The following KMT2C variants were observed in gnomAD, a reference collection of about 807,000 sequenced individuals.
KMT2C encodes the protein histone-lysine N-methyltransferase 2C.
A neutral mutation model predicts 507.9 loss-of-function variants in KMT2C; 88 were observed. The ratio of observed to expected loss-of-function variants is 0.17; its 90% CI spans 0.15 to 0.21. The LOEUF (loss-of-function observed/expected upper bound fraction) is 0.21. Ranked by LOEUF, KMT2C falls within the 10% of genes least tolerant of loss-of-function variation. The probability of loss-of-function intolerance (pLI) is 1.00; values close to 1 mark genes in which losing one functional copy is unlikely to be tolerated. For synonymous variants in KMT2C, 2,049 were observed against 2,080.8 expected (o/e 0.98, Z 0.42); for missense variants, 4,954 against 5,957.8 (o/e 0.83, Z 5.55).
chr7:152,184,708 C>T lies in KMT2C; in HGVS notation c.5082+850G>A, dbSNP rs144442543. On this transcript the variant is annotated intron_variant, in intron 34 of 58. Transcript: ENST00000262189. ...GCAGATACCAAAATCCACAGATGCT[C>T]AAGTCCCTTATAGAAAATGTCACAG... Among the ~76,000 whole-genome samples the T allele has an allele frequency of 2.7e-3, 410 of 152,324 alleles. 6 individuals carry two copies. Among genetic ancestry groups the T allele is most frequent in the South Asian group, 1.7e-3 (8 of 4,824 alleles).
chr7:152,136,885 G>A lies in KMT2C; in HGVS notation c.14683C>T (p.His4895Tyr), dbSNP rs2089917798. 6.2e-7 allele frequency: 1 copy of A among 1,613,370 alleles called. No individual in the cohort carries two copies. Among genetic ancestry groups the A allele is most frequent in the Admixed American group, 1.7e-5 (1 of 60,004 alleles). ...DYKFDFEDDQHKIPCHCGAVN... is the reference protein window; with the variant it reads ...DYKFDFEDDQYKIPCHCGAVN... ...GCTCCACAGTGACACGGAATCTTGT[G>A]CTGGTCATCTTCAAAGTCAAACTTA... Residue 4895 changes from histidine to tyrosine, a missense_variant, in exon 59 of 59, where the codon CAC (histidine) becomes TAC (tyrosine). By Grantham distance (83) the His-to-Tyr change is moderately conservative (BLOSUM62 2). This residue lies in a region of KMT2C where 133 missense variants were observed against 258.9 expected (regional missense o/e 0.51). Transcript: ENST00000262189.
At chr7:152,435,230 G>A (rs1038326949) in intron 1 of KMT2C, among the ~76,000 whole-genome samples, 2 of 151,968 alleles carry the variant, frequency 1.3e-5, no homozygotes, top group Admixed American at 6.6e-5. Context: ...CCGACGGCTC[G>A]GCGGTTCGCC....
At chr7:152,426,345 C>T (rs1231411360) in intron 1 of KMT2C, among the ~76,000 whole-genome samples, 2 of 151,146 alleles carry the variant, frequency 1.3e-5, no homozygotes, top group Admixed American at 1.3e-4. Context: ...TCAAGCAATC[C>T]TCCCATCTCA....
At chr7:152,160,518 CG>C (rs1426456754) in intron 43 of KMT2C, among the ~76,000 whole-genome samples, 1 of 151,834 alleles carries the variant, frequency 6.6e-6, no homozygotes, top group Non-Finnish European at 1.5e-5. Context: ...AGGTGTGTGG[CG>C]GGAGATTCTG....
intron 3 of KMT2C, among the ~76,000 whole-genome samples, chr7:152,320,154 A>G (rs2096759718): frequency 6.6e-6 from 1 of 152,154 alleles, no homozygotes; most frequent in Non-Finnish European, 1.5e-5. Flanking sequence ...ATGTTTATAC[A>G]TGTCTCCCAT....
In KMT2C at chr7:152,330,670, G is replaced by T; in HGVS notation, c.320C>A (p.Thr107Asn). ...EVDNSKQLIPTLQRSVSEESA... is the reference protein window; with the variant it reads ...EVDNSKQLIPNLQRSVSEESA... ...TTCCTCAGACACAGATCGCTGAAGA[G>T]TTGGAATTAGCTGTTTGCTGTTATC... Residue 107 changes from threonine to asparagine, a missense_variant, in exon 3 of 59, where the codon ACT (threonine) becomes AAT (asparagine). Thr to Asn is a moderately conservative substitution (Grantham distance 65). Coordinates refer to ENST00000262189, the MANE Select transcript of KMT2C (RefSeq NM_170606.3). 1 of 1,614,042 alleles carries T rather than the reference G, an allele frequency of 6.2e-7. No homozygotes were observed. The highest frequency in any genetic ancestry group is 1.6e-4 in the Middle Eastern group (1 of 6,062).
chr7:152,286,241 AAAAG>A, intron 6 of KMT2C, among the ~76,000 whole-genome samples: 1 of 152,286 alleles, frequency 6.6e-6, no homozygotes, highest in Non-Finnish European at 1.5e-5. Flanking sequence ...ATGAGACAGA[AAAAG>A]AATAAGAAAT....
rs34778581 is a variant in KMT2C, at chr7:152,331,642, ATTTTTTTTTTTT to A, written c.251-915_251-904del. Among the ~76,000 whole-genome samples, 6 of 99,324 alleles carry A rather than the reference ATTTTTTTTTTTT, an allele frequency of 6.0e-5. No individual in the cohort carries two copies. In the South Asian group the frequency reaches 1.6e-3, roughly 27 times the overall value. 65.2% of individuals were successfully genotyped at this position (99,324 alleles called of 152,430 possible). On this transcript the variant is annotated intron_variant, in intron 2 of 58. Coordinates refer to ENST00000262189, the MANE Select transcript of KMT2C (RefSeq NM_170606.3). ...CAACAACAACAACAACAACAAAAAG[ATTTTTTTTTTTT>A]TTTTTTTTTTTTTGATGGAGTCTCG...
chr7:152,382,396 A>G (rs1184941722), intron 1 of KMT2C, among the ~76,000 whole-genome samples: 1 of 152,062 alleles, frequency 6.6e-6, no homozygotes, highest in Non-Finnish European at 1.5e-5. Context: ...CTTATCCTTC[A>G]AATCTACCAT....
Position 152,181,106 on chromosome 7 carries a change from G to A in KMT2C, c.6754C>T (p.Gln2252Ter), listed in dbSNP as rs2129119665. The A allele has an allele frequency of 6.2e-7, 1 of 1,614,158 alleles. No homozygotes were observed. Among genetic ancestry groups the A allele is most frequent in the Non-Finnish European group, 8.5e-7 (1 of 1,180,026 alleles). ...GCTGGTCCTCGGTTTTGTGCTGCTT[G>A]CAGGAAAGGATCCTGATTTGGCATG... ...VLMPNQDPFL[Q>*]AAQNRGPALP... The change falls in exon 36 of 59, where the codon CAA (glutamine) becomes TAA (stop). Residue 2252 changes from glutamine (Q) to a stop codon, truncating the protein, a stop_gained. Transcript: ENST00000262189. LOFTEE classifies it high-confidence loss of function.
chr7:152,323,846 G>A (rs2096797469), intron 3 of KMT2C, among the ~76,000 whole-genome samples: 1 of 150,724 alleles, frequency 6.6e-6, no homozygotes, highest in African/African-American at 2.4e-5. Context: ...GGGAGAGAGA[G>A]AGAGAGAGAA....
intron 7 of KMT2C, among the ~76,000 whole-genome samples, chr7:152,266,241 C>CTT (rs56898970): frequency 6.8e-6 from 1 of 147,290 alleles, no homozygotes; most frequent in African/African-American, 2.5e-5. Context: ...GTATATGAAC[C>CTT]TTTTTTTTTT....
chr7:152,195,871 G>C (rs2129130756), intron 28 of KMT2C, 36 bp downstream of exon 28: 2 of 1,238,918 alleles, frequency 1.6e-6, no homozygotes, highest in Non-Finnish European at 2.3e-6. Context: ...GCTCACATCA[G>C]AAACCAGAAA....
At chr7:152,147,403 G>A (rs1002482329) in intron 52 of KMT2C, among the ~76,000 whole-genome samples, 16 of 152,008 alleles carry the variant, frequency 1.1e-4, no homozygotes, top group African/African-American at 3.9e-4. Context: ...GGGGGTCCCT[G>A]CCAGGTACGG....
At chr7:152,275,917 T>C (rs1293410032) in intron 6 of KMT2C, among the ~76,000 whole-genome samples, 1 of 152,212 alleles carries the variant, frequency 6.6e-6, no homozygotes, top group Non-Finnish European at 1.5e-5. Context: ...TCTTGGCAGA[T>C]AAAATATAAT....
intron 38 of KMT2C, among the ~76,000 whole-genome samples, chr7:152,175,466 C>CT (rs1334582580): frequency 1.4e-5 from 2 of 145,198 alleles, no homozygotes; most frequent in Non-Finnish European, 2.9e-5. Flanking sequence ...TATCCGTCCC[C>CT]TAGCCCCCCA....
intron 18 of KMT2C, among the ~76,000 whole-genome samples, chr7:152,227,551 G>A (rs1298378854): frequency 6.6e-6 from 1 of 152,228 alleles, no homozygotes; most frequent in African/African-American, 2.4e-5. Flanking sequence ...CACTCAGGGA[G>A]TCCTATGATA....
At position 152,182,479 on chromosome 7, in the gene KMT2C, A is replaced by G; in HGVS notation, c.5381T>C (p.Leu1794Pro). 1 of 1,614,172 alleles carries G rather than the reference A, an allele frequency of 6.2e-7. No homozygotes were observed. Among genetic ancestry groups the G allele is most frequent in the Non-Finnish European group, 8.5e-7 (1 of 1,180,002 alleles). Residue 1794 changes from leucine to proline, a missense_variant, in exon 36 of 59, where the codon CTG becomes CCG. Physicochemically the swap from Leu to Pro is moderately conservative, Grantham distance 98. This residue lies in a region of KMT2C where 1,689 missense variants were observed against 1,654.3 expected (regional missense o/e 1.02). Transcript: ENST00000262189. ...QQQQFGSQHL[L>P]VQSGSDTPSS... ...TGGTGTATCTGAACCAGACTGCACCAGAAGATGCTGAGAACCAAATTGCTG... is the reference window on the plus strand; with the variant it reads ...TGGTGTATCTGAACCAGACTGCACCGGAAGATGCTGAGAACCAAATTGCTG...
intron 31 of KMT2C, among the ~76,000 whole-genome samples, chr7:152,188,605 C>CAT (rs2093695099): frequency 1.0e-5 from 1 of 96,766 alleles, no homozygotes; most frequent in Non-Finnish European, 1.9e-5. Flanking sequence ...TGATTCTTTC[C>CAT]TTTTTTTTTT....
Sources: gnomAD v4.1 joint callset for allele counts (sites outside exome capture counted in the v4.1 genomes callset) on GRCh38, gnomAD v4.1.1 for gene constraint, gnomAD v4.1.1 regional missense constraint, MANE v1.5 for transcripts, NCBI Gene and HGNC (gene_info 2026-07-23, HGNC 2026-07-21) for gene names.